MROH1: variants seen among roughly 807,000 people sequenced by gnomAD.
MROH1 encodes maestro heat like repeat family member 1.
In MROH1, 117 loss-of-function variants were observed where a neutral mutation model predicts 116.5. The observed-to-expected ratio is 1.00, with a 90% CI of 0.86 to 1.17. The LOEUF (loss-of-function observed/expected upper bound fraction) is 1.17, where lower values mean the gene tolerates loss of function less well. MROH1 is among the 50% of genes most tolerant of loss of function. MROH1 has a pLI of 0.00. For synonymous variants in MROH1, 921 were observed against 583.9 expected (o/e 1.58, Z -8.32); for missense variants, 1,873 against 1,338.5 (o/e 1.40, Z -6.23).
At chr8:144,191,974 T>C (rs1828729469) in intron 9 of MROH1, 119 bp downstream of exon 9, 1 of 1,204,230 alleles carries the variant, frequency 8.3e-7, no homozygotes, top group African/African-American at 1.5e-5. Context: ...CTGAGTTCTC[T>C]GCTAAGGCTC....
At chr8:144,151,773 TC>T (rs1321685027) in intron 1 of MROH1, among the ~76,000 whole-genome samples, 1 of 152,156 alleles carries the variant, frequency 6.6e-6, no homozygotes, top group Non-Finnish European at 1.5e-5. Flanking sequence ...AGATACAGCC[TC>T]CCGTCTCTGT....
chr8:144,224,772 G>A (rs1482730388), intron 14 of MROH1, among the ~76,000 whole-genome samples: 1 of 152,146 alleles, frequency 6.6e-6, no homozygotes, highest in Non-Finnish European at 1.5e-5. Flanking sequence ...CACTGTAGAG[G>A]GGGTGAGCGG....
chr8:144,195,646 G>A (rs192907166), intron 10 of MROH1, among the ~76,000 whole-genome samples: 2 of 151,928 alleles, frequency 1.3e-5, no homozygotes, highest in African/African-American at 4.8e-5. Flanking sequence ...CTGGCCTATA[G>A]CAGTTATTTA....
chr8:144,253,942 T>C (rs894790494), intron 33 of MROH1, among the ~76,000 whole-genome samples: 7 of 152,088 alleles, frequency 4.6e-5, no homozygotes, highest in African/African-American at 1.7e-4. Context: ...AGGTGGGGGT[T>C]GCTTTTCCTT....
intron 20 of MROH1, 96 bp downstream of exon 20, chr8:144,240,773 C>A: frequency 1.4e-6 from 1 of 694,202 alleles, no homozygotes; most frequent in Admixed American, 2.0e-5. Flanking sequence ...TCTCCCGTGG[C>A]CCTGGTGGCC....
At chr8:144,178,267 G>T (rs543840457) in intron 4 of MROH1, among the ~76,000 whole-genome samples, 163 of 152,248 alleles carry the variant, frequency 1.1e-3, no homozygotes, top group Admixed American at 4.2e-3. Flanking sequence ...GAGTAGCTGG[G>T]ACTACAGGTG....
chr8:144,248,336 A>G (rs1842261233), intron 31 of MROH1, among the ~76,000 whole-genome samples: 1 of 151,966 alleles, frequency 6.6e-6, no homozygotes, highest in South Asian at 2.1e-4. Flanking sequence ...AGGGGATGAG[A>G]AAGCTGCCCC....
At chr8:144,232,849 C>T (rs909756933) in intron 14 of MROH1, among the ~76,000 whole-genome samples, 4 of 147,962 alleles carry the variant, frequency 2.7e-5, no homozygotes, top group Non-Finnish European at 6.0e-5. Flanking sequence ...TTTTATGAGA[C>T]AGGGTCTTGC....
intron 1 of MROH1, among the ~76,000 whole-genome samples, chr8:144,159,917 G>A (rs555605991): frequency 1.6e-4 from 25 of 151,994 alleles, no homozygotes; most frequent in South Asian, 4.1e-4. Context: ...ACAGGGGCCC[G>A]CCACCACACC....
chr8:144,241,325 C>G (rs1375955492), intron 21 of MROH1, 70 bp from the exon 22 acceptor site: 2 of 718,774 alleles, frequency 2.8e-6, no homozygotes, highest in Non-Finnish European at 2.6e-6. Context: ...CGTGTCCACA[C>G]GTGACAGTGT....
chr8:144,261,586 G>A (rs924963950), intron 43 of MROH1, 69 bp from the exon 44 acceptor site: 23 of 700,600 alleles, frequency 3.3e-5, no homozygotes, highest in Non-Finnish European at 4.7e-5. Flanking sequence ...TCAGGAGAGC[G>A]TGGCCCACGC....
intron 11 of MROH1, among the ~76,000 whole-genome samples, chr8:144,200,063 C>T (rs896960758): frequency 2.2e-4 from 34 of 152,124 alleles, no homozygotes; most frequent in African/African-American, 7.5e-4. Flanking sequence ...CTTGACAGCT[C>T]GAGTCCCCTT....
At chr8:144,232,293 T>C (rs782006296) in intron 14 of MROH1, among the ~76,000 whole-genome samples, 31 of 152,266 alleles carry the variant, frequency 2.0e-4, no homozygotes, top group Non-Finnish European at 2.2e-4. Context: ...TAGGTTTTCA[T>C]TGATGCCCTT....
At chr8:144,164,229 A>AC (rs560796564) in intron 3 of MROH1, among the ~76,000 whole-genome samples, 110 of 150,048 alleles carry the variant, frequency 7.3e-4, no homozygotes, top group African/African-American at 2.6e-3. Flanking sequence ...ACATGGTGAA[A>AC]CCCCGTCTCT....
At chr8:144,152,153 T>C (rs1413853744) in intron 1 of MROH1, among the ~76,000 whole-genome samples, 1 of 152,152 alleles carries the variant, frequency 6.6e-6, no homozygotes, top group African/African-American at 2.4e-5. Context: ...TTGACAGCAA[T>C]GAATAATAAA....
Position 144,239,590 on chromosome 8 carries a change from G to A in MROH1, c.1633-24G>A, listed in dbSNP as rs966860554. ...TGACCAGTGCTCCCTGCTCAGACCCGGCTCCCACGCTGCCTCTTTTCAGGT... is the reference window on the plus strand; with the variant it reads ...TGACCAGTGCTCCCTGCTCAGACCCAGCTCCCACGCTGCCTCTTTTCAGGT... On this transcript the variant is annotated intron_variant, in intron 17 of 43. Coordinates refer to ENST00000326134, the MANE Select transcript of MROH1 (RefSeq NM_032450.3). 2.5e-4 allele frequency: 194 copies of A among 770,758 alleles called. 1 individual carries two copies. The Middle Eastern group carries it at 3.0e-3, about 12-fold the overall frequency. The allele number at this position is 770,758 out of a possible 1,614,324, so 47.7% of individuals were successfully genotyped here.
chr8:144,176,638 G>A (rs1158206432), intron 4 of MROH1, among the ~76,000 whole-genome samples: 2 of 151,504 alleles, frequency 1.3e-5, no homozygotes, highest in Admixed American at 6.6e-5. Context: ...TCAGGAGCCT[G>A]GCCAACACAG....
Position 144,261,243 on chromosome 8 carries a change from C to T in MROH1, c.4774+27C>T, listed in dbSNP as rs907646464. 2.1e-3 allele frequency: 1,580 copies of T among 761,226 alleles called. 4 individuals carry two copies. Among genetic ancestry groups the T allele is most frequent in the Non-Finnish European group, 3.1e-3 (1,295 of 416,936 alleles). The allele number at this position is 761,226 out of a possible 1,614,324, so 47.2% of individuals were successfully genotyped here. On this transcript the variant is annotated intron_variant, in intron 42 of 43. Coordinates refer to ENST00000326134, the MANE Select transcript of MROH1 (RefSeq NM_032450.3). ...TAAGCACCACCCCCTGCCCCACCCC[C>T]ACGCCGCCCGGCAGCCCCGCCTGAT...
At chr8:144,152,119 C>T (rs1273042608) in intron 1 of MROH1, among the ~76,000 whole-genome samples, 21 of 152,244 alleles carry the variant, frequency 1.4e-4, no homozygotes, top group Non-Finnish European at 2.6e-4. Context: ...TAAAGTTTAA[C>T]TATAAATGAA....
Sources: gnomAD v4.1 joint callset for allele counts (sites outside exome capture counted in the v4.1 genomes callset) on GRCh38, gnomAD v4.1.1 for gene constraint, MANE v1.5 for transcripts, NCBI Gene and HGNC (gene_info 2026-07-23, HGNC 2026-07-21) for gene names.